Variants in PPM1H observed in about 807,000 individuals in gnomAD.
The protein encoded by PPM1H is protein phosphatase, Mg2+/Mn2+ dependent 1H, also known as protein phosphatase 1H.
PPM1H carries 27 observed loss-of-function variants against 54.9 expected under a neutral mutation model. The ratio of observed to expected loss-of-function variants is 0.49; its 90% CI spans 0.36 to 0.68. The LOEUF is 0.68. Ranked by LOEUF, PPM1H falls within the 30% of genes least tolerant of loss-of-function variation. The pLI is 0.00. For missense variants in PPM1H, 596 were observed against 667.8 expected (o/e 0.89, Z 1.19); for synonymous variants, 305 against 270.8 (o/e 1.13, Z -1.24).
At position 62,683,032 on chromosome 12, in the gene PPM1H, A is replaced by T. The variant is rs541405614; in HGVS notation, c.1245+6667T>A. ...GATACTACATTTGGGAGAGTTTATT[A>T]TTTATTATTATTATTATTATTATTA... On this transcript the variant is annotated intron_variant, in intron 8 of 9. Transcript: ENST00000228705. Among the ~76,000 whole-genome samples the T allele has an allele frequency of 1.8e-4, 23 of 126,346 alleles. 1 individual carries two copies. In the South Asian group the frequency reaches 3.4e-3, roughly 19 times the overall value. The allele number at this position is 126,346 out of a possible 152,430, so 82.9% of individuals were successfully genotyped here. A position where few individuals can be genotyped will look rare whatever the true frequency, so the allele number is the denominator to read the frequency against.
chr12:62,846,416 C>G (rs1868968652), intron 1 of PPM1H, among the ~76,000 whole-genome samples: 1 of 151,592 alleles, frequency 6.6e-6, no homozygotes, highest in Non-Finnish European at 1.5e-5. Flanking sequence ...AGGAGAATCT[C>G]TTGAACCCAG....
intron 3 of PPM1H, among the ~76,000 whole-genome samples, chr12:62,789,289 T>C (rs933721421): frequency 6.6e-5 from 10 of 152,184 alleles, no homozygotes; most frequent in Non-Finnish European, 1.3e-4. Context: ...TGGGCCACCA[T>C]ACCCAGCCCA....
At chr12:62,893,612 A>G (rs1178769931) in intron 1 of PPM1H, among the ~76,000 whole-genome samples, 1 of 151,380 alleles carries the variant, frequency 6.6e-6, no homozygotes, top group Non-Finnish European at 1.5e-5. Flanking sequence ...GCATGCCACC[A>G]TGCCTGGCTA....
chr12:62,778,642 C>T (rs2120672242), intron 4 of PPM1H, among the ~76,000 whole-genome samples: 1 of 152,268 alleles, frequency 6.6e-6, no homozygotes, highest in East Asian at 1.9e-4. Context: ...TACTTAAGAT[C>T]CTCAAAGTCA....
At chr12:62,780,976 G>C (rs753625313) in intron 4 of PPM1H, among the ~76,000 whole-genome samples, 1 of 152,230 alleles carries the variant, frequency 6.6e-6, no homozygotes, top group Non-Finnish European at 1.5e-5. Context: ...AGACTTCCCA[G>C]CTTAGCCTTT....
chr12:62,882,739 T>A (rs1233270843), intron 1 of PPM1H, among the ~76,000 whole-genome samples: 1 of 152,264 alleles, frequency 6.6e-6, no homozygotes, highest in African/African-American at 2.4e-5. Context: ...GGTATTTTTA[T>A]AATAGAAATA....
In PPM1H at chr12:62,647,188, GA is replaced by G. The variant is rs1339608843; in HGVS notation, c.*1300del. 2.6e-5 allele frequency: 4 copies of G among 152,246 alleles called. No homozygotes were observed. The highest frequency in any genetic ancestry group is 4.4e-5 in the Non-Finnish European group (3 of 68,090). 9.4% of individuals were successfully genotyped at this position (152,246 alleles called of 1,614,324 possible). ...TGCCTGCTGCTGCTGCTCTTGTGGCGAACACTCAGATGTGGAACCATAGAGG... is the reference window on the plus strand; with the variant it reads ...TGCCTGCTGCTGCTGCTCTTGTGGCGACACTCAGATGTGGAACCATAGAGG... On this transcript the variant is annotated 3_prime_UTR_variant, in exon 10 of 10. Coordinates refer to ENST00000228705, the MANE Select transcript of PPM1H (RefSeq NM_020700.2).
intron 7 of PPM1H, among the ~76,000 whole-genome samples, chr12:62,691,303 C>T (rs1002943953): frequency 2.0e-5 from 3 of 152,186 alleles, no homozygotes; most frequent in Admixed American, 1.3e-4. Flanking sequence ...CTTGAATCCT[C>T]ACTCTATTAC....
chr12:62,896,859 A>G (rs1272959034), intron 1 of PPM1H, among the ~76,000 whole-genome samples: 1 of 152,208 alleles, frequency 6.6e-6, no homozygotes, highest in Admixed American at 6.5e-5. Flanking sequence ...CCAAATGTCC[A>G]TCAATGATAG....
chr12:62,846,870 C>CT (rs1868990865), intron 1 of PPM1H, among the ~76,000 whole-genome samples: 2 of 152,268 alleles, frequency 1.3e-5, no homozygotes, highest in South Asian at 4.1e-4. Flanking sequence ...GATTGGTATC[C>CT]TAGCTCTGCC....
rs79398652 is a variant in PPM1H at position 62,826,006 on chromosome 12, A to T, written c.411+6108T>A. 6.2e-3 allele frequency among the ~76,000 whole-genome samples: 943 copies of T among 152,286 alleles called. 14 individuals are homozygous for T. Among genetic ancestry groups the T allele is most frequent in the African/African-American group, 0.022 (894 of 41,554 alleles). On this transcript the variant is annotated intron_variant, in intron 2 of 9. Transcript: ENST00000228705. ...AAGCTGGGAGAGGCAGAAAACAGTT[A>T]TATTATTTTCTCTACCAAAAAAAAT...
intron 9 of PPM1H, among the ~76,000 whole-genome samples, chr12:62,654,326 C>G (rs756537339): frequency 4.6e-5 from 7 of 151,114 alleles, no homozygotes; most frequent in Non-Finnish European, 8.8e-5. Context: ...GCAAAATGGC[C>G]GAGTTTAACT....
chr12:62,793,450 C>T (rs1447338866), intron 3 of PPM1H, among the ~76,000 whole-genome samples: 3 of 151,902 alleles, frequency 2.0e-5, no homozygotes, highest in African/African-American at 7.3e-5. Flanking sequence ...GAGGGCCGGG[C>T]GCGGTGGCTC....
intron 6 of PPM1H, among the ~76,000 whole-genome samples, chr12:62,710,118 G>A (rs1192744326): frequency 6.6e-6 from 1 of 151,784 alleles, no homozygotes; most frequent in Non-Finnish European, 1.5e-5. Flanking sequence ...TCTCTTTAAA[G>A]CTAACATAGT....
intron 6 of PPM1H, among the ~76,000 whole-genome samples, chr12:62,698,805 A>C (rs533447325): frequency 1.6e-4 from 25 of 152,174 alleles, no homozygotes; most frequent in Non-Finnish European, 1.6e-4. Flanking sequence ...TTTTTGGCTC[A>C]TGGTCTCCTC....
Position 62,844,245 on chromosome 12 carries a change from A to G in PPM1H, c.246-11966T>C, listed in dbSNP as rs982813101. Among the ~76,000 whole-genome samples the G allele has an allele frequency of 6.6e-6, 1 of 152,222 alleles. No individual in the cohort carries two copies. The highest frequency in any genetic ancestry group is 6.5e-5 in the Admixed American group (1 of 15,282). On this transcript the variant is annotated intron_variant, in intron 1 of 9. Coordinates refer to ENST00000228705, the MANE Select transcript of PPM1H (RefSeq NM_020700.2). This position sits in a 1 kb window ranked among gnomAD's most constrained non-coding sequence, Gnocchi z 5.2. ...CACTTATATAGGCAGAAACAGTTTT[A>G]GCAGGGTTCAGCACTTTCTGTACAA...
At chr12:62,918,560 A>G (rs1445549781) in intron 1 of PPM1H, among the ~76,000 whole-genome samples, 2 of 152,104 alleles carry the variant, frequency 1.3e-5, no homozygotes, top group African/African-American at 4.8e-5. Flanking sequence ...TTTTCTAACT[A>G]TTAAATAATG....
intron 6 of PPM1H, among the ~76,000 whole-genome samples, chr12:62,703,746 T>C (rs2076157154): frequency 6.6e-6 from 1 of 151,974 alleles, no homozygotes; most frequent in Admixed American, 6.6e-5. Flanking sequence ...CTCCCTTGAC[T>C]CCCCTCTCCC....
intron 1 of PPM1H, among the ~76,000 whole-genome samples, chr12:62,932,089 T>C (rs1342912396): frequency 1.3e-4 from 19 of 151,638 alleles, no homozygotes; most frequent in African/African-American, 4.6e-4. Flanking sequence ...TGACTTTTTT[T>C]TTTTTTTTTT....
Sources: gnomAD v4.1 joint callset for allele counts (sites outside exome capture counted in the v4.1 genomes callset) on GRCh38, gnomAD v4.1.1 for gene constraint, Gnocchi (gnomAD v3.1) non-coding constraint, MANE v1.5 for transcripts, NCBI Gene and HGNC (gene_info 2026-07-23, HGNC 2026-07-21) for gene names.